The following GSTM2 variants were observed in gnomAD, a reference collection of about 807,000 sequenced individuals.
GSTM2 encodes the protein GST class-mu 2.
GSTM2 carries 33 observed loss-of-function variants against 33.3 expected under a neutral mutation model. The ratio of observed to expected loss-of-function variants is 0.99; its 90% CI spans 0.75 to 1.33. The LOEUF is 1.33. Among genes scored for constraint, GSTM2 ranks in the 40% most tolerant of loss-of-function variants. The probability of loss-of-function intolerance (pLI) is 0.00; values close to 1 mark genes in which losing one functional copy is unlikely to be tolerated. For synonymous variants in GSTM2, 93 were observed against 95.6 expected (o/e 0.97, Z 0.16); for missense variants, 213 against 265.8 (o/e 0.80, Z 1.38).
At chr1:109,679,001 AAGGTAAAGGATGAGACT>A (rs1395975152), downstream of GSTM2, among the ~76,000 whole-genome samples, 2 of 152,230 alleles carry the variant, frequency 1.3e-5, no homozygotes, top group Admixed American at 6.5e-5. Flanking sequence ...CGCTTACTAC[AAGGTAAAGGATGAGACT>A]GGTTTAATGG....
chr1:109,679,269 G>T (rs1343998147), downstream of GSTM2, among the ~76,000 whole-genome samples: 1 of 151,970 alleles, frequency 6.6e-6, no homozygotes, highest in Non-Finnish European at 1.5e-5. Context: ...TCAGGAGTTT[G>T]AGACCAGCCT....
intron 3 of GSTM2, 39 bp from the exon 4 acceptor site, chr1:109,669,251 G>A (rs111477734): frequency 6.2e-7 from 1 of 1,611,268 alleles, no homozygotes; most frequent in African/African-American, 1.3e-5. Flanking sequence ...GGGGAGCCTG[G>A]TGGCCCAACT....
At chr1:109,669,624 C>T in intron 5 of GSTM2, 53 bp downstream of exon 5, 1 of 1,138,816 alleles carries the variant, frequency 8.8e-7, no homozygotes, top group South Asian at 1.3e-5. Context: ...CCAGTCTCCC[C>T]TTTCCCTGCA....
chr1:109,674,364 C>T, intron 7 of GSTM2, among the ~76,000 whole-genome samples: 1 of 152,118 alleles, frequency 6.6e-6, no homozygotes, highest in Non-Finnish European at 1.5e-5. Context: ...AGTTCTATTC[C>T]CCTTACTAGG....
At chr1:109,673,246 T>G in intron 7 of GSTM2, 3 of 1,611,950 alleles carry the variant, frequency 1.9e-6, no homozygotes, top group Non-Finnish European at 2.5e-6. Flanking sequence ...TTTACTCCTG[T>G]TCACTGACCT....
At chr1:109,671,719 G>A in intron 7 of GSTM2, 136 bp downstream of exon 7, 1 of 704,372 alleles carries the variant, frequency 1.4e-6, no homozygotes. Context: ...TGTAATCTCA[G>A]CGCTTTGGAG....
downstream of GSTM2, among the ~76,000 whole-genome samples, chr1:109,675,682 C>A (rs1278980377): frequency 1.3e-5 from 2 of 152,108 alleles, no homozygotes; most frequent in Non-Finnish European, 2.9e-5. Flanking sequence ...TCTCCAGGAC[C>A]CAATCTCTAT....
At chr1:109,676,696 C>G (rs1647712965), downstream of GSTM2, among the ~76,000 whole-genome samples, 1 of 152,176 alleles carries the variant, frequency 6.6e-6, no homozygotes, top group South Asian at 2.1e-4. Context: ...ATTCTGAGGT[C>G]TATAATTCCA....
At chr1:109,670,832 C>T in intron 5 of GSTM2, 1 of 157,022 alleles carries the variant, frequency 6.4e-6, no homozygotes, top group Non-Finnish European at 1.4e-5. Context: ...TCCTTTCTTC[C>T]ACTTATCCTC....
chr1:109,675,472 C>T (rs1487597041), downstream of GSTM2, among the ~76,000 whole-genome samples: 1 of 148,570 alleles, frequency 6.7e-6, no homozygotes, highest in African/African-American at 2.6e-5. Context: ...GAGCAGGAAG[C>T]CCCATGAGGC....
Position 109,669,826 on chromosome 1 carries a change from G to A in GSTM2, c.360+255G>A, listed in dbSNP as rs1180922597. 3 of 489,742 alleles carry A rather than the reference G, an allele frequency of 6.1e-6. No individual in the cohort carries two copies. The East Asian group carries it at 1.0e-4, about 17-fold the overall frequency. 30.3% of individuals were successfully genotyped at this position (489,742 alleles called of 1,614,324 possible). On this transcript the variant is annotated intron_variant, in intron 5 of 7. Transcript: ENST00000241337. ...GTTTGTGGTCTTGCTGACTTCAGGGGTGAAGCCGCAGACCTTCGCAGTGAG... is the reference window on the plus strand; with the variant it reads ...GTTTGTGGTCTTGCTGACTTCAGGGATGAAGCCGCAGACCTTCGCAGTGAG...
intron 5 of GSTM2, chr1:109,670,093 G>GGGGGGAGGGGAGGGGAGGT (rs1647475744): frequency 6.6e-6 from 1 of 152,192 alleles, no homozygotes; most frequent in African/African-American, 2.5e-5. Context: ...AAGGGCGGAG[G>GGGGGGAGGGGAGGGGAGGT]TGGGGGGGGA....
At position 109,669,806 on chromosome 1, in the gene GSTM2, T is replaced by C. The variant is rs533765387; in HGVS notation, c.360+235T>C. The C allele has an allele frequency of 5.2e-5, 27 of 522,674 alleles. No individual in the cohort carries two copies. The Admixed American group carries it at 6.5e-4, about 13-fold the overall frequency. The allele number at this position is 522,674 out of a possible 1,614,324, so 32.4% of individuals were successfully genotyped here. A position where few individuals can be genotyped will look rare whatever the true frequency, so the allele number is the denominator to read the frequency against. ...CAGTTTCTTCCTTCCGGTGGGTTTGTGGTCTTGCTGACTTCAGGGGTGAAG... is the reference window on the plus strand; with the variant it reads ...CAGTTTCTTCCTTCCGGTGGGTTTGCGGTCTTGCTGACTTCAGGGGTGAAG... On this transcript the variant is annotated intron_variant, in intron 5 of 7. Coordinates refer to ENST00000241337, the MANE Select transcript of GSTM2 (RefSeq NM_000848.4).
At chr1:109,672,216 G>T (rs1222492810) in intron 7 of GSTM2, among the ~76,000 whole-genome samples, 1 of 152,038 alleles carries the variant, frequency 6.6e-6, no homozygotes, top group Admixed American at 6.5e-5. Flanking sequence ...GGAGGCGGAG[G>T]TTGCGGTGAG....
At chr1:109,669,603 C>CTTCCCTACTCCCAGTCTCCCCT (rs1647459518) in intron 5 of GSTM2, 32 bp downstream of exon 5, 3 of 1,308,410 alleles carry the variant, frequency 2.3e-6, no homozygotes, top group Non-Finnish European at 3.3e-6. Flanking sequence ...CCAGTCTCCC[C>CTTCCCTACTCCCAGTCTCCCCT]TTCCCTACTC....
At chr1:109,669,710 C>A in intron 5 of GSTM2, 139 bp downstream of exon 5, 1 of 630,558 alleles carries the variant, frequency 1.6e-6, no homozygotes, top group South Asian at 1.9e-5. Context: ...CGCGGTCCTA[C>A]ACGGTGAGTG....
At chr1:109,668,747 T>TG in intron 2 of GSTM2, 178 bp from the exon 3 acceptor site, 1 of 842,482 alleles carries the variant, frequency 1.2e-6, no homozygotes, top group Admixed American at 2.2e-5. Flanking sequence ...CTTAGCTGTG[T>TG]GGGGTCCAGA....
Position 109,669,373 on chromosome 1 carries a change from T to C in GSTM2, c.259+2T>C. On this transcript the variant is annotated splice_donor_variant, in intron 4 of 7. Coordinates refer to ENST00000241337, the MANE Select transcript of GSTM2 (RefSeq NM_000848.4). LOFTEE classifies it high-confidence loss of function. ...ACATTGCCCGCAAGCACAACCTGTG[T>C]GAGTAGATTTGGTTGCAAGATGCGG... 1 of 1,614,182 alleles carries C rather than the reference T, an allele frequency of 6.2e-7. No individual in the cohort carries two copies. The highest frequency in any genetic ancestry group is 8.5e-7 in the Non-Finnish European group (1 of 1,180,032).
At chr1:109,671,001 G>A in intron 5 of GSTM2, 1 of 403,306 alleles carries the variant, frequency 2.5e-6, no homozygotes, top group Non-Finnish European at 4.5e-6. Context: ...GTGCTCAGGT[G>A]CTCCTGGGGC....
Sources: gnomAD v4.1 joint callset for allele counts (sites outside exome capture counted in the v4.1 genomes callset) on GRCh38, gnomAD v4.1.1 for gene constraint, MANE v1.5 for transcripts, NCBI Gene and HGNC (gene_info 2026-07-23, HGNC 2026-07-21) for gene names.